The following FHIT variants were observed in gnomAD, a reference collection of about 807,000 sequenced individuals.
FHIT encodes bis(5'-adenosyl)-triphosphatase.
Under a neutral mutation model 17.9 loss-of-function variants are expected in FHIT, and 19 were observed. The ratio of observed to expected loss-of-function variants is 1.06; its 90% confidence interval spans 0.74 to 1.56. The LOEUF (loss-of-function observed/expected upper bound fraction) is 1.56, where lower values mean the gene tolerates loss of function less well. FHIT is among the 40% of genes most tolerant of loss of function. The probability of loss-of-function intolerance (pLI) is 0.00; values close to 1 mark genes in which losing one functional copy is unlikely to be tolerated. For synonymous variants in FHIT, 81 were observed against 69.7 expected (o/e 1.16, Z -0.81); for missense variants, 248 against 189.2 (o/e 1.31, Z -1.82).
intron 2 of FHIT, among the ~76,000 whole-genome samples, chr3:61,182,727 G>C (rs1306081313): frequency 3.3e-5 from 5 of 152,124 alleles, no homozygotes; most frequent in African/African-American, 9.7e-5. Flanking sequence ...AGAACCTGAA[G>C]GAGCATGTAT....
At chr3:60,198,974 G>C (rs1339327866) in intron 5 of FHIT, among the ~76,000 whole-genome samples, 1 of 152,166 alleles carries the variant, frequency 6.6e-6, no homozygotes, top group Admixed American at 6.5e-5. Context: ...GAATGTAGCA[G>C]TCTAAAATAT....
intron 4 of FHIT, among the ~76,000 whole-genome samples, chr3:60,707,265 T>C (rs1417152753): frequency 6.6e-6 from 1 of 152,192 alleles, no homozygotes; most frequent in Non-Finnish European, 1.5e-5. Flanking sequence ...ACAATTTTAA[T>C]CACCTTACAG....
intron 5 of FHIT, among the ~76,000 whole-genome samples, chr3:60,129,335 C>T (rs551261506): frequency 6.6e-6 from 1 of 152,108 alleles, no homozygotes; most frequent in Non-Finnish European, 1.5e-5. Flanking sequence ...AGCCACTGTG[C>T]CTGGCCTCTT....
chr3:60,274,243 T>C (rs942461784), intron 5 of FHIT, among the ~76,000 whole-genome samples: 1 of 152,184 alleles, frequency 6.6e-6, no homozygotes, highest in African/African-American at 2.4e-5. Flanking sequence ...TCATTCTTGG[T>C]TGAACATTTC....
chr3:60,453,898 C>A lies in FHIT; in HGVS notation c.103+82962G>T, dbSNP rs116503607. ...ATAAATCTTCCTGGAGTAGCTCATT[C>A]CGAACAGACAAAAGTTTCAGGGGAG... is the stretch of plus-strand genomic sequence containing the variant. On this transcript the variant is annotated intron_variant, in intron 5 of 9. Coordinates refer to ENST00000492590, the MANE Select transcript of FHIT (RefSeq NM_002012.4). Among the ~76,000 whole-genome samples, 525 of 152,118 alleles carry A rather than the reference C, an allele frequency of 3.5e-3. 2 individuals carry two copies. Among genetic ancestry groups the A allele is most frequent in the African/African-American group, 0.012 (505 of 41,488 alleles).
chr3:60,492,921 T>C (rs1368011200), intron 5 of FHIT, among the ~76,000 whole-genome samples: 2 of 152,202 alleles, frequency 1.3e-5, no homozygotes, highest in Non-Finnish European at 2.9e-5. Context: ...TTGGGCTTCC[T>C]ACTATGTGCC....
chr3:60,937,073 G>C (rs1218040987), intron 3 of FHIT, among the ~76,000 whole-genome samples: 5 of 152,164 alleles, frequency 3.3e-5, no homozygotes, highest in African/African-American at 1.2e-4. Flanking sequence ...AAGCAGGTTA[G>C]ATGTCTTGAA....
At chr3:59,918,624 T>C (rs1324657662) in intron 8 of FHIT, among the ~76,000 whole-genome samples, 2 of 152,122 alleles carry the variant, frequency 1.3e-5, no homozygotes, top group Non-Finnish European at 2.9e-5. Flanking sequence ...TCCTGGGGAA[T>C]AGTAATCTTT....
chr3:60,150,842 C>G (rs1425058391), intron 5 of FHIT, among the ~76,000 whole-genome samples: 1 of 151,904 alleles, frequency 6.6e-6, no homozygotes, highest in Non-Finnish European at 1.5e-5. Context: ...TTGCTTGAAC[C>G]CAGGAGGCAG....
intron 5 of FHIT, among the ~76,000 whole-genome samples, chr3:60,226,595 TG>T (rs1157359881): frequency 3.9e-5 from 6 of 151,954 alleles, no homozygotes; most frequent in Non-Finnish European, 7.4e-5. Flanking sequence ...TAAAGCACTT[TG>T]GAAAAATGAA....
chr3:60,950,469 G>A (rs1708827461), intron 3 of FHIT, among the ~76,000 whole-genome samples: 1 of 149,996 alleles, frequency 6.7e-6, no homozygotes, highest in South Asian at 2.1e-4. Flanking sequence ...AAGGCTGCTA[G>A]GTAGGGCTTT....
chr3:60,557,761 A>C (rs1007656824), intron 4 of FHIT, among the ~76,000 whole-genome samples: 3 of 152,108 alleles, frequency 2.0e-5, no homozygotes, highest in Non-Finnish European at 4.4e-5. Context: ...AAGACTGATA[A>C]GCAATCACTA....
chr3:60,848,707 T>A (rs1292269435), intron 3 of FHIT, among the ~76,000 whole-genome samples: 1 of 152,200 alleles, frequency 6.6e-6, no homozygotes. Context: ...GTTATAAAGA[T>A]GAAATGAGGT....
At chr3:60,195,625 A>G (rs978706852) in intron 5 of FHIT, among the ~76,000 whole-genome samples, 3 of 145,296 alleles carry the variant, frequency 2.1e-5, no homozygotes, top group African/African-American at 7.5e-5. Context: ...AATTATATAT[A>G]TTAATATACA....
At chr3:60,608,309 C>A (rs1304941867) in intron 4 of FHIT, among the ~76,000 whole-genome samples, 1 of 151,996 alleles carries the variant, frequency 6.6e-6, no homozygotes, top group Non-Finnish European at 1.5e-5. Flanking sequence ...GGGGTAAACA[C>A]AAACACTCTC....
At chr3:60,314,423 T>C (rs1709078953) in intron 5 of FHIT, among the ~76,000 whole-genome samples, 1 of 152,034 alleles carries the variant, frequency 6.6e-6, no homozygotes, top group Admixed American at 6.6e-5. Context: ...CTGGATAAAA[T>C]AAAACTCAAA....
At chr3:60,380,558 T>C (rs558243300) in intron 5 of FHIT, among the ~76,000 whole-genome samples, 37 of 152,316 alleles carry the variant, frequency 2.4e-4, no homozygotes, top group African/African-American at 8.7e-4. Context: ...TTCTGAAGGT[T>C]GTACAACCTT....
At chr3:61,213,644 C>A (rs959836314) in intron 1 of FHIT, among the ~76,000 whole-genome samples, 3 of 152,194 alleles carry the variant, frequency 2.0e-5, no homozygotes, top group Admixed American at 6.5e-5. Flanking sequence ...CTCAGCTCTG[C>A]ACCAAGCAGA....
chr3:60,321,173 A>G (rs1709410873), intron 5 of FHIT, among the ~76,000 whole-genome samples: 1 of 152,188 alleles, frequency 6.6e-6, no homozygotes, highest in African/African-American at 2.4e-5. Flanking sequence ...ATGGACAGGC[A>G]GTATCTCATT....
Sources: allele counts gnomAD v4.1 joint callset (sites outside exome capture counted in the v4.1 genomes callset), GRCh38; gene constraint gnomAD v4.1.1; transcripts MANE v1.5; gene names NCBI Gene and HGNC (gene_info 2026-07-23, HGNC 2026-07-21).